The following NEB variants were observed in gnomAD, a reference collection of about 807,000 sequenced individuals.
NEB encodes nebulin, also known as nemaline myopathy type 2.
A neutral mutation model predicts 952.2 loss-of-function variants in NEB; 512 were observed. The observed-to-expected ratio is 0.54, with a 90% CI of 0.50 to 0.58. The LOEUF is 0.58. Among genes scored for constraint, NEB ranks in the 20% least tolerant of loss-of-function variants. The probability of loss-of-function intolerance (pLI) is 0.00; values close to 1 mark genes in which losing one functional copy is unlikely to be tolerated. For synonymous variants in NEB, 2,900 were observed against 3,149.8 expected, an observed-to-expected ratio of 0.92 and a Z score of 2.66; for missense variants, 8,428 against 9,231.1, an observed-to-expected ratio of 0.91 and a Z score of 3.56.
At chr2:151,553,251 T>C (rs567589481) in intron 127 of NEB, 147 bp downstream of exon 127, 1 of 666,268 alleles carries the variant, frequency 1.5e-6, no homozygotes, top group Non-Finnish European at 2.7e-6. Context: ...TCCTGAGAGA[T>C]GGTTGCTCTG....
chr2:151,499,011 G>A (rs1028212584), intron 169 of NEB, among the ~76,000 whole-genome samples: 1 of 142,444 alleles, frequency 7.0e-6, no homozygotes, highest in African/African-American at 2.6e-5. Flanking sequence ...TTTAGGTTCA[G>A]ATCAAATTTG....
chr2:151,663,724 C>T lies in NEB; in HGVS notation c.5587G>A (p.Glu1863Lys), dbSNP rs1375183081. ...QSDREYKKGY[E>K]KSKTSFHTPV... ...GTGTGGAAGGAGGTCTTGGATTTCT[C>T]ATATCCCTTCTTGTATTCCCGGTCT... The change falls in exon 45 of 182, where the codon GAG becomes AAG. Residue 1863 changes from glutamate (E) to lysine (K), a missense_variant. By Grantham distance (56) the Glu-to-Lys change is moderately conservative. Around this residue, in one of 11 missense-constraint regions of NEB, gnomAD observed 2,851 missense variants for 2,791.5 expected, o/e 1.02. Coordinates refer to ENST00000397345, the MANE Select transcript of NEB (RefSeq NM_001164508.2). 6.8e-6 allele frequency: 11 copies of T among 1,613,788 alleles called. No homozygotes were observed. The South Asian group carries it at 1.2e-4, about 18-fold the overall frequency.
rs115610425 is a variant in NEB, at chr2:151,712,948, C to T, written c.823-2410G>A. 1.0e-2 allele frequency among the ~76,000 whole-genome samples: 1,516 copies of T among 152,018 alleles called. 28 individuals are homozygous for T. The highest frequency in any genetic ancestry group is 0.035 in the African/African-American group (1,433 of 41,468). ...AAACTCTGTTGTACTTGCAGTTGAA[C>T]GATGGAAACTTGGAAGAAAGAGTCA... is the stretch of plus-strand genomic sequence containing the variant. On this transcript the variant is annotated intron_variant, in intron 10 of 181. Transcript: ENST00000397345.
rs750906423 is a variant in NEB, at chr2:151,724,940, C to T, written c.424G>A (p.Asp142Asn). The change falls in exon 7 of 182, where the codon GAT becomes AAT. Residue 142 changes from aspartate to asparagine, a missense_variant. By Grantham distance (23) the Asp-to-Asn change is conservative (BLOSUM62 1). Around this residue, in one of 11 missense-constraint regions of NEB, gnomAD observed 2,851 missense variants for 2,791.5 expected, o/e 1.02. Coordinates refer to ENST00000397345, the MANE Select transcript of NEB (RefSeq NM_001164508.2). ...ACGTGACATATAGTCTTAGCAACAT[C>T]ACCATCCATTCGATACTTAACCTGC... is the stretch of plus-strand genomic sequence containing the variant. ...LSEVKYRMDG[D>N]VAKTICHVDE... The T allele has an allele frequency of 6.2e-7, 1 of 1,613,766 alleles. No homozygotes were observed. The highest frequency in any genetic ancestry group is 8.5e-7 in the Non-Finnish European group (1 of 1,179,796).
intron 84 of NEB, among the ~76,000 whole-genome samples, chr2:151,605,972 T>TTTTG (rs199751776): frequency 2.0e-5 from 2 of 99,450 alleles, no homozygotes; most frequent in African/African-American, 5.4e-5. Context: ...CCAGCTAAGT[T>TTTTG]TTTGTTTGTT....
chr2:151,485,998 A>G (rs2049999135), intron 181 of NEB, 65 bp from the exon 182 acceptor site: 2 of 1,496,690 alleles, frequency 1.3e-6, no homozygotes, highest in African/African-American at 2.7e-5. Flanking sequence ...ACACACATCT[A>G]TTTGTAAGAT....
intron 53 of NEB, 47 bp from the exon 54 acceptor site, chr2:151,650,426 C>A (rs1254555868): frequency 1.3e-6 from 2 of 1,574,216 alleles, no homozygotes; most frequent in Non-Finnish European, 1.7e-6. Flanking sequence ...CTCACCTGGA[C>A]CCTTGATTCA....
At chr2:151,664,053 A>G (rs2099178403) in intron 44 of NEB, among the ~76,000 whole-genome samples, 194 bp from the exon 45 acceptor site, 1 of 152,068 alleles carries the variant, frequency 6.6e-6, no homozygotes, top group Non-Finnish European at 1.5e-5. Flanking sequence ...GAGTCCATGG[A>G]AAGAAAATAA....
At chr2:151,642,225 C>G (rs941063432) in intron 60 of NEB, among the ~76,000 whole-genome samples, 2 of 152,172 alleles carry the variant, frequency 1.3e-5, no homozygotes, top group African/African-American at 4.8e-5. Context: ...TTGGTTCATA[C>G]AGCATAGGTT....
Position 151,616,103 on chromosome 2 carries a change from A to T in NEB, c.11188T>A (p.Tyr3730Asn), listed in dbSNP as rs571292207. The T allele has an allele frequency of 2.5e-5, 41 of 1,608,962 alleles. 1 individual carries two copies. The South Asian group carries it at 4.0e-4, about 16-fold the overall frequency. ...TTGGACTCTTCCAAAGCAAGTTTAT[A>T]GAGTTTCTGTAGAAAAGAAAGTCAT... ...LNRINYSDKL[Y>N]KLALEESKKE... Residue 3730 changes from tyrosine (Y) to asparagine (N), a missense_variant, in exon 76 of 182, where the codon TAT becomes AAT. This residue lies in a region of NEB where 1,772 missense variants were observed against 1,960.3 expected (regional missense o/e 0.90). Transcript: ENST00000397345.
intron 30 of NEB, 68 bp from the exon 31 acceptor site, chr2:151,680,090 A>C: frequency 8.9e-7 from 1 of 1,124,866 alleles, no homozygotes; most frequent in Non-Finnish European, 1.3e-6. Context: ...ACCAGAAAAT[A>C]ATTTCCTAAT....
intron 35 of NEB, 55 bp from the exon 36 acceptor site, chr2:151,674,639 G>T: frequency 7.5e-7 from 1 of 1,325,290 alleles, no homozygotes. Context: ...CTCAACTGCT[G>T]GGATTGTTTT....
chr2:151,562,355 A>T (rs1219324070), intron 120 of NEB, 141 bp from the exon 121 acceptor site: 2 of 797,152 alleles, frequency 2.5e-6, no homozygotes, highest in South Asian at 1.5e-5. Context: ...AAGGTCTTTA[A>T]TTCCCAAGCC....
intron 75 of NEB, among the ~76,000 whole-genome samples, chr2:151,616,668 T>C (rs550661724): frequency 6.6e-6 from 1 of 152,324 alleles, no homozygotes; most frequent in South Asian, 2.1e-4. Context: ...CACTCCAGCC[T>C]GGGTGACAGA....
At position 151,687,468 on chromosome 2, in the gene NEB, T is replaced by C; in HGVS notation, c.2588A>G (p.Asp863Gly). The C allele has an allele frequency of 6.2e-7, 1 of 1,614,034 alleles. No individual in the cohort carries two copies. Among genetic ancestry groups the C allele is most frequent in the Non-Finnish European group, 8.5e-7 (1 of 1,179,874 alleles). The change falls in exon 27 of 182, where the codon GAC becomes GGC. Residue 863 changes from aspartate to glycine, a missense_variant. Transcript: ENST00000397345. ...CAAGGAGTGCAGCATCTTTGGATCG[T>C]CATTAATGCTGAGGGCTCCAATCAT... is the stretch of plus-strand genomic sequence containing the variant. ...GKMIGALSIN[D>G]DPKMLHSLKT...
intron 32 of NEB, among the ~76,000 whole-genome samples, chr2:151,678,680 G>C (rs761071886): frequency 1.3e-5 from 2 of 152,084 alleles, no homozygotes; most frequent in Non-Finnish European, 2.9e-5. Flanking sequence ...GAGCCAGGAG[G>C]GGGTAAACAC....
chr2:151,516,523 G>C lies in NEB; in HGVS notation c.22841C>G (p.Pro7614Arg). 6.2e-7 allele frequency: 1 copy of C among 1,613,184 alleles called. No individual in the cohort carries two copies. The highest frequency in any genetic ancestry group is 8.5e-7 in the Non-Finnish European group (1 of 1,179,418). The change falls in exon 157 of 182, where the codon CCC becomes CGC. Residue 7614 changes from proline to arginine, a missense_variant. Coordinates refer to ENST00000397345, the MANE Select transcript of NEB (RefSeq NM_001164508.2). ...CGTTGGTGTTTCAAAGTCCAGCATG[G>C]GTTTTCCTCGTTCCTTTTCATACTT... ...KEKYEKERGK[P>R]MLDFETPTYI... is the part of the protein sequence containing the mutation.
chr2:151,605,716 A>T (rs2097678255), intron 84 of NEB, among the ~76,000 whole-genome samples: 1 of 99,532 alleles, frequency 1.0e-5, no homozygotes, highest in African/African-American at 2.8e-5. Flanking sequence ...GATGAAAATC[A>T]GAGAAGAACA....
At chr2:151,499,671 G>A (rs1406893667) in intron 168 of NEB, 4 of 288,086 alleles carry the variant, frequency 1.4e-5, no homozygotes, top group Non-Finnish European at 2.6e-5. Context: ...AATTTCCTAA[G>A]ACCACTAAAA....
Sources: allele counts gnomAD v4.1 joint callset (sites outside exome capture counted in the v4.1 genomes callset), GRCh38; gene constraint gnomAD v4.1.1; regional missense constraint gnomAD v4.1.1; transcripts MANE v1.5; gene names NCBI Gene and HGNC (gene_info 2026-07-23, HGNC 2026-07-21).